The following PKHD1 variants were observed in gnomAD, a reference collection of about 807,000 sequenced individuals.
The protein encoded by PKHD1 is fibrocystin.
A neutral mutation model predicts 412.0 loss-of-function variants in PKHD1; 291 were observed. That is an observed-to-expected ratio of 0.71 (90% confidence interval 0.64 to 0.78). The LOEUF (loss-of-function observed/expected upper bound fraction) is 0.78, where lower values mean the gene tolerates loss of function less well. Ranked by LOEUF, PKHD1 falls within the 30% of genes least tolerant of loss-of-function variation. The pLI is 0.00. For missense variants in PKHD1, 4,825 were observed against 4,950.7 expected, an observed-to-expected ratio of 0.97 and a Z score of 0.76; for synonymous variants, 1,777 against 1,821.5, an observed-to-expected ratio of 0.98 and a Z score of 0.62.
intron 25 of PKHD1, among the ~76,000 whole-genome samples, chr6:52,044,306 G>A (rs1562216004): frequency 6.6e-6 from 1 of 152,174 alleles, no homozygotes; most frequent in Non-Finnish European, 1.5e-5. Flanking sequence ...TAAAAAAGAT[G>A]TGACCCCACT....
chr6:51,774,403 T>C (rs1790656460), intron 54 of PKHD1, among the ~76,000 whole-genome samples: 1 of 151,992 alleles, frequency 6.6e-6, no homozygotes, highest in Non-Finnish European at 1.5e-5. Context: ...CAGGCATCTG[T>C]GGATAGTCCT....
At chr6:51,862,154 C>G (rs935517440) in intron 48 of PKHD1, among the ~76,000 whole-genome samples, 1 of 152,200 alleles carries the variant, frequency 6.6e-6, no homozygotes, top group African/African-American at 2.4e-5. Context: ...ATCATTGACC[C>G]TTCTTCCCAA....
chr6:51,812,895 A>G (rs1397857362), intron 52 of PKHD1, among the ~76,000 whole-genome samples: 1 of 152,022 alleles, frequency 6.6e-6, no homozygotes, highest in Non-Finnish European at 1.5e-5. Context: ...TAACCCAGAC[A>G]CTCCTTTCTA....
rs1390465393 is a variant in PKHD1 at position 51,874,960 on chromosome 6, G to T, written c.7351-4321C>A. On this transcript the variant is annotated intron_variant, in intron 46 of 66. Transcript: ENST00000371117. ...GCATTGCCTCACCTGGGAAGCGCAA[G>T]GGGTCAGGGAGTTCCCTTTCCGAGT... is the stretch of plus-strand genomic sequence containing the variant. 1.5e-4 allele frequency among the ~76,000 whole-genome samples: 11 copies of T among 75,398 alleles called. 1 individual carries two copies. Among genetic ancestry groups the T allele is most frequent in the African/African-American group, 6.3e-4 (11 of 17,498 alleles). The allele number at this position is 75,398 out of a possible 152,430, so 49.5% of individuals were successfully genotyped here. A position where few individuals can be genotyped will look rare whatever the true frequency, so the allele number is the denominator to read the frequency against.
intron 37 of PKHD1, among the ~76,000 whole-genome samples, chr6:51,919,312 G>A (rs998660247): frequency 6.6e-6 from 1 of 152,172 alleles, no homozygotes; most frequent in East Asian, 1.9e-4. Flanking sequence ...TGTATAAGGT[G>A]TAAGGAAGGG....
intron 35 of PKHD1, among the ~76,000 whole-genome samples, chr6:51,966,240 A>T (rs551482643): frequency 7.2e-4 from 110 of 152,302 alleles, no homozygotes; most frequent in African/African-American, 2.5e-3. Flanking sequence ...GAGACATGAG[A>T]CATCAATCAA....
At chr6:51,641,393 AG>A (rs1769325444) in intron 63 of PKHD1, among the ~76,000 whole-genome samples, 1 of 152,250 alleles carries the variant, frequency 6.6e-6, no homozygotes, top group East Asian at 1.9e-4. Flanking sequence ...ATCATTAAAA[AG>A]TCAGGAAACA....
In PKHD1 at chr6:51,648,112, T is replaced by C; in HGVS notation, c.11317A>G (p.Arg3773Gly). The change falls in exon 63 of 67, where the codon AGA becomes GGA. Residue 3773 changes from arginine to glycine, a missense_variant. Transcript: ENST00000371117. ...QLVFLDEQNR[R>G]VESLGPPSEP... is the part of the protein sequence containing the mutation. ...GAAGGAGGTCCCAGGGACTCTACTC[T>C]TCGATTCTAGAAATGGGAATAGGAG... 1 of 1,588,704 alleles carries C rather than the reference T, an allele frequency of 6.3e-7. No homozygotes were observed. Among genetic ancestry groups the C allele is most frequent in the Non-Finnish European group, 8.6e-7 (1 of 1,156,886 alleles).
Position 51,912,501 on chromosome 6 carries a change from T to A in PKHD1, c.6197A>T (p.Asp2066Val). Residue 2066 changes from aspartate to valine, a missense_variant, in exon 38 of 67, where the codon GAT becomes GTT. Physicochemically the swap from Asp to Val is radical, Grantham distance 152. Coordinates refer to ENST00000371117, the MANE Select transcript of PKHD1 (RefSeq NM_138694.4). ...HALDTVLALE[D>V]AVDWNPGDEV... The stretch of plus-strand genomic sequence containing the variant: ...ATCCCCAGGGTTCCAGTCCACAGCA[T>A]CTTCTAAAGCCAGCACTGTGTCTAG... 6.2e-7 allele frequency: 1 copy of A among 1,613,342 alleles called. No individual in the cohort carries two copies. Among genetic ancestry groups the A allele is most frequent in the Admixed American group, 1.7e-5 (1 of 59,936 alleles).
rs752889346 is a variant in PKHD1 at position 51,659,490 on chromosome 6, CAACATACA to C, written c.10628_10635del (p.Leu3543CysfsTer9). On this transcript the variant is annotated frameshift_variant, in exon 61 of 67. Transcript: ENST00000371117. LOFTEE classifies it high-confidence loss of function. The stretch of plus-strand genomic sequence containing the variant: ...TCAATGGGCTCCTCTCCTTGTAGGA[CAACATACA>C]AGAGGTTATCCATGATGTTGAAATA... 111 of 1,613,318 alleles carry C rather than the reference CAACATACA, an allele frequency of 6.9e-5. No individual in the cohort carries two copies. The highest frequency in any genetic ancestry group is 9.2e-5 in the Non-Finnish European group (109 of 1,179,506).
At chr6:51,795,353 C>T (rs534843793) in intron 52 of PKHD1, among the ~76,000 whole-genome samples, 2 of 152,232 alleles carry the variant, frequency 1.3e-5, no homozygotes, top group African/African-American at 4.8e-5. Flanking sequence ...TATGGAAATG[C>T]TAGAGATTTT....
At chr6:51,894,508 C>T (rs139325893) in intron 43 of PKHD1, among the ~76,000 whole-genome samples, 76 of 152,328 alleles carry the variant, frequency 5.0e-4, no homozygotes, top group Non-Finnish European at 6.9e-4. Context: ...TGTAAGTGAA[C>T]TAGCAAGGTG....
At position 52,033,112 on chromosome 6, in the gene PKHD1, T is replaced by G. The variant is rs2128163509; in HGVS notation, c.3282A>C (p.Ala1094=). 5 of 1,610,588 alleles carry G rather than the reference T, an allele frequency of 3.1e-6. No homozygotes were observed. The highest frequency in any genetic ancestry group is 4.2e-6 in the Non-Finnish European group (5 of 1,176,796). The change falls in exon 29 of 67, where the codon GCA becomes GCC. Residue 1094 remains alanine, a synonymous_variant. Coordinates refer to ENST00000371117, the MANE Select transcript of PKHD1 (RefSeq NM_138694.4). ...NVTVIRGDYS[A]VLPRAFTYVS... is the part of the protein sequence containing the mutation. ...CATATGTAAATGCTCTGGGAAGAAC[T>G]GCAGAATAGTCCCCTCTGATCACAG...
intron 60 of PKHD1, among the ~76,000 whole-genome samples, chr6:51,709,312 G>T (rs925855894): frequency 2.0e-5 from 3 of 152,284 alleles, no homozygotes; most frequent in Admixed American, 6.5e-5. Context: ...TATTGCTGGT[G>T]TCCACAAAAA....
chr6:52,003,820 G>A (rs776607891), intron 35 of PKHD1, among the ~76,000 whole-genome samples: 1 of 151,982 alleles, frequency 6.6e-6, no homozygotes, highest in Non-Finnish European at 1.5e-5. Flanking sequence ...AGATAGTTTT[G>A]GCTATTTTAG....
Position 51,934,112 on chromosome 6 carries a change from T to C in PKHD1, c.6119A>G (p.His2040Arg). Residue 2040 changes from histidine to arginine, a missense_variant and splice_region_variant, in exon 37 of 67, where the codon CAC becomes CGC. Physicochemically the swap from His to Arg is conservative, Grantham distance 29. Transcript: ENST00000371117. ...LAVRNGTLSL[H>R]GSLPEVIVTC... ...CTCTGATCAATTGCCTCACTCACCG[T>C]GCAGAGAAAGAGTTCCATTCCTCAC... 1.2e-6 allele frequency: 2 copies of C among 1,607,664 alleles called. No individual in the cohort carries two copies. The highest frequency in any genetic ancestry group is 1.1e-5 in the South Asian group (1 of 90,968).
chr6:51,900,822 C>T (rs1356265812), intron 43 of PKHD1, among the ~76,000 whole-genome samples: 1 of 151,654 alleles, frequency 6.6e-6, no homozygotes, highest in East Asian at 1.9e-4. Flanking sequence ...AACAAATTTA[C>T]AAGAAAAAAA....
At chr6:51,833,460 A>G (rs956770945) in intron 51 of PKHD1, among the ~76,000 whole-genome samples, 3 of 152,204 alleles carry the variant, frequency 2.0e-5, no homozygotes, top group African/African-American at 7.2e-5. Flanking sequence ...TATACAACTA[A>G]TATCAGGGTT....
intron 60 of PKHD1, among the ~76,000 whole-genome samples, chr6:51,717,801 G>C (rs1781455007): frequency 6.6e-6 from 1 of 152,170 alleles, no homozygotes; most frequent in Admixed American, 6.5e-5. Context: ...GAGAGTGGAA[G>C]GGACACAGGC....
Sources: gnomAD v4.1 joint callset for allele counts (sites outside exome capture counted in the v4.1 genomes callset) on GRCh38, gnomAD v4.1.1 for gene constraint, MANE v1.5 for transcripts, NCBI Gene and HGNC (gene_info 2026-07-23, HGNC 2026-07-21) for gene names.